FGF14: variants seen among roughly 807,000 people sequenced by gnomAD.
The protein encoded by FGF14 is fibroblast growth factor 14, also known as fibroblast growth factor homologous factor 4.
A neutral mutation model predicts 25.5 loss-of-function variants in FGF14; 5 were observed. That is an observed-to-expected ratio of 0.20 (90% CI 0.10 to 0.41). The LOEUF (loss-of-function observed/expected upper bound fraction) is 0.41. Among genes scored for constraint, FGF14 ranks in the 10% least tolerant of loss-of-function variants. FGF14 has a pLI of 1.00. For missense variants in FGF14, 222 were observed against 320.1 expected (o/e 0.69, Z 2.34); for synonymous variants, 138 against 118.3 (o/e 1.17, Z -1.08).
At chr13:102,399,125 A>G (rs1004678865) in intron 1 of FGF14, among the ~76,000 whole-genome samples, 1 of 152,148 alleles carries the variant, frequency 6.6e-6, no homozygotes, top group Admixed American at 6.5e-5. Flanking sequence ...GGAAGGGGGG[A>G]AAAACTATTC....
chr13:101,994,312 T>A (rs1455407753), intron 1 of FGF14, among the ~76,000 whole-genome samples: 2 of 152,072 alleles, frequency 1.3e-5, no homozygotes, highest in African/African-American at 2.4e-5. Flanking sequence ...AATAGATTAA[T>A]TAATGTCAGT....
At chr13:101,753,274 CACACACACAG>C (rs1405857925) in intron 3 of FGF14, among the ~76,000 whole-genome samples, 3 of 138,186 alleles carry the variant, frequency 2.2e-5, no homozygotes, top group African/African-American at 8.2e-5. Flanking sequence ...ATCAAATACA[CACACACACAG>C]ACACACACAG....
intron 3 of FGF14, among the ~76,000 whole-genome samples, chr13:101,792,395 C>G (rs975037532): frequency 6.6e-6 from 1 of 152,082 alleles, no homozygotes; most frequent in African/African-American, 2.4e-5. Context: ...ACAACTGATG[C>G]ACAGGATACA....
chr13:102,248,839 G>C (rs2052015166), intron 1 of FGF14, among the ~76,000 whole-genome samples: 2 of 152,090 alleles, frequency 1.3e-5, no homozygotes, highest in Non-Finnish European at 2.9e-5. Context: ...GCAGTAGAAC[G>C]AAAGCTGAAA....
At chr13:102,266,030 A>C (rs993427477) in intron 1 of FGF14, among the ~76,000 whole-genome samples, 2 of 152,134 alleles carry the variant, frequency 1.3e-5, no homozygotes, top group Admixed American at 6.6e-5. Context: ...AAAAAGACTA[A>C]GAAGACTATT....
intron 1 of FGF14, among the ~76,000 whole-genome samples, chr13:101,970,233 G>A (rs2037509148): frequency 6.6e-6 from 1 of 151,636 alleles, no homozygotes; most frequent in African/African-American, 2.4e-5. Context: ...TGAACTCAAA[G>A]CCTATTTTTA....
intron 3 of FGF14, among the ~76,000 whole-genome samples, chr13:101,755,219 C>T (rs1337654080): frequency 6.6e-6 from 1 of 152,136 alleles, no homozygotes; most frequent in Admixed American, 6.5e-5. Context: ...TACGTTTTTT[C>T]ACAAAGATGC....
At chr13:102,101,450 T>C (rs1037251525) in intron 1 of FGF14, among the ~76,000 whole-genome samples, 2 of 152,200 alleles carry the variant, frequency 1.3e-5, no homozygotes, top group Non-Finnish European at 2.9e-5. Flanking sequence ...AGATAATTCA[T>C]GGGTATACCT....
intron 1 of FGF14, among the ~76,000 whole-genome samples, chr13:101,887,322 A>G (rs888058330): frequency 6.9e-6 from 1 of 145,620 alleles, no homozygotes; most frequent in Admixed American, 7.1e-5. Context: ...TTTCATATAT[A>G]TGTGTGTATA....
At position 101,916,510 on chromosome 13, in the gene FGF14, C is replaced by A. The variant is rs750197642; in HGVS notation, c.136G>T (p.Asp46Tyr). The change falls in exon 1 of 5, where the codon GAT becomes TAT. Residue 46 changes from aspartate to tyrosine, a missense_variant. Physicochemically the swap from Asp to Tyr is radical, Grantham distance 160 (BLOSUM62 -3). This residue lies in a region of FGF14 where 80 missense variants were observed against 72.2 expected (regional missense o/e 1.11). Coordinates refer to ENST00000376143, the MANE Select transcript of FGF14 (RefSeq NM_004115.4). ...AAGATGCGCACTTTGGAGAAGATAT[C>A]CACCAGGTTGCCGTTGCAGAGCCCG... is the stretch of plus-strand genomic sequence containing the variant. ...NRGLCNGNLV[D>Y]IFSKVRIFGL... The A allele has an allele frequency of 1.2e-6, 2 of 1,613,934 alleles. No homozygotes were observed. The highest frequency in any genetic ancestry group is 1.7e-6 in the Non-Finnish European group (2 of 1,179,942).
At chr13:102,384,281 T>C (rs969058197) in intron 1 of FGF14, among the ~76,000 whole-genome samples, 2 of 152,192 alleles carry the variant, frequency 1.3e-5, no homozygotes, top group African/African-American at 4.8e-5. Context: ...TCTCTTGTAT[T>C]ACACGACAAA....
In FGF14 at chr13:101,814,973, G is replaced by A. The variant is rs73557428; in HGVS notation, c.408+53752C>T. ...AAACAATAACAATAAAAGACTCAAA[G>A]AGACTTATTAGTACCCCTGATGGTC... On this transcript the variant is annotated intron_variant, in intron 3 of 4. Transcript: ENST00000376143. Among the ~76,000 whole-genome samples, 785 of 143,126 alleles carry A rather than the reference G, an allele frequency of 5.5e-3. 7 individuals carry two copies. Among genetic ancestry groups the A allele is most frequent in the African/African-American group, 0.018 (749 of 40,496 alleles). The allele number at this position is 143,126 out of a possible 152,430, so 93.9% of individuals were successfully genotyped here. A position where few individuals can be genotyped will look rare whatever the true frequency, so the allele number is the denominator to read the frequency against.
chr13:101,966,932 C>A (rs1266007313), intron 1 of FGF14, among the ~76,000 whole-genome samples: 1 of 152,064 alleles, frequency 6.6e-6, no homozygotes, highest in Non-Finnish European at 1.5e-5. Flanking sequence ...TAAAGGAATG[C>A]CTAAGAATAT....
chr13:101,860,849 C>T (rs2044379660), intron 3 of FGF14, among the ~76,000 whole-genome samples: 1 of 152,032 alleles, frequency 6.6e-6, no homozygotes, highest in South Asian at 2.1e-4. Context: ...TTCAATAAGT[C>T]TTATAAATAT....
chr13:102,310,651 T>TTCTCTC (rs34400050), intron 1 of FGF14, among the ~76,000 whole-genome samples: 3,005 of 45,808 alleles, frequency 0.066, 189 homozygotes, highest in Non-Finnish European at 0.083. Flanking sequence ...CTCTTCCCGT[T>TTCTCTC]TCTCTCTCTC....
intron 1 of FGF14, among the ~76,000 whole-genome samples, chr13:102,151,463 A>T (rs2047082299): frequency 6.6e-6 from 1 of 152,092 alleles, no homozygotes; most frequent in South Asian, 2.1e-4. Flanking sequence ...ACTAATGTCA[A>T]ATCGTATGCT....
intron 1 of FGF14, among the ~76,000 whole-genome samples, chr13:102,102,163 A>G (rs1010263643): frequency 2.0e-5 from 3 of 152,244 alleles, no homozygotes; most frequent in Non-Finnish European, 4.4e-5. Flanking sequence ...TATATGTATC[A>G]GGCATTTTCC....
At chr13:102,254,194 C>T (rs1003402818) in intron 1 of FGF14, among the ~76,000 whole-genome samples, 10 of 152,210 alleles carry the variant, frequency 6.6e-5, no homozygotes. Flanking sequence ...ACATGGATAG[C>T]AGCCTTTATA....
At chr13:101,766,179 G>A (rs1033949498) in intron 3 of FGF14, among the ~76,000 whole-genome samples, 1 of 152,204 alleles carries the variant, frequency 6.6e-6, no homozygotes, top group Non-Finnish European at 1.5e-5. Flanking sequence ...TCATTCAGGT[G>A]CAAGATATTT....
Sources: allele counts gnomAD v4.1 joint callset (sites outside exome capture counted in the v4.1 genomes callset), GRCh38; gene constraint gnomAD v4.1.1; regional missense constraint gnomAD v4.1.1; transcripts MANE v1.5; gene names NCBI Gene and HGNC (gene_info 2026-07-23, HGNC 2026-07-21).